TSPAN11: variants seen among roughly 807,000 people sequenced by gnomAD.
TSPAN11 encodes the protein tetraspanin-11.
A neutral mutation model predicts 32.9 loss-of-function variants in TSPAN11; 29 were observed. That is an observed-to-expected ratio of 0.88 (90% CI 0.66 to 1.20). TSPAN11 has a LOEUF of 1.20. TSPAN11 is among the 50% of genes most tolerant of loss of function. The probability of loss-of-function intolerance (pLI) is 0.00; values close to 1 mark genes in which losing one functional copy is unlikely to be tolerated. For missense variants in TSPAN11, 283 were observed against 329.1 expected, an observed-to-expected ratio of 0.86 and a Z score of 1.08; for synonymous variants, 140 against 141.3, an observed-to-expected ratio of 0.99 and a Z score of 0.07.
chr12:30,982,179 C>T (rs1020180791), intron 5 of TSPAN11, among the ~76,000 whole-genome samples: 3 of 152,180 alleles, frequency 2.0e-5, no homozygotes, highest in African/African-American at 7.2e-5. Context: ...GTGGTTTTGT[C>T]CACCCTGGGC....
intron 2 of TSPAN11, among the ~76,000 whole-genome samples, chr12:30,955,955 A>G (rs1592473248): frequency 6.6e-6 from 1 of 152,164 alleles, no homozygotes; most frequent in Non-Finnish European, 1.5e-5. Context: ...CTTTTGGGGG[A>G]CCCAGTCCAA....
intron 1 of TSPAN11, among the ~76,000 whole-genome samples, chr12:30,928,407 G>C (rs907122486): frequency 3.3e-5 from 5 of 152,212 alleles, no homozygotes; most frequent in Non-Finnish European, 7.3e-5. Flanking sequence ...CCACCACCAA[G>C]TTCTATCTCT....
intron 1 of TSPAN11, among the ~76,000 whole-genome samples, chr12:30,946,121 T>C (rs577477095): frequency 1.0e-3 from 157 of 152,232 alleles, no homozygotes; most frequent in African/African-American, 3.5e-3. Context: ...AGAAAATTGA[T>C]TCAAAGTGTG....
chr12:30,968,262 G>C (rs1316428328), intron 3 of TSPAN11, among the ~76,000 whole-genome samples: 1 of 152,204 alleles, frequency 6.6e-6, no homozygotes, highest in African/African-American at 2.4e-5. Flanking sequence ...AACTACCTTG[G>C]ATCGGGAGTA....
chr12:30,981,435 G>A (rs372377670), intron 5 of TSPAN11, among the ~76,000 whole-genome samples: 36 of 152,206 alleles, frequency 2.4e-4, no homozygotes, highest in Admixed American at 7.2e-4. Context: ...AGCATGGCAT[G>A]GAGGTACTTT....
intron 1 of TSPAN11, among the ~76,000 whole-genome samples, chr12:30,931,225 TA>T (rs1220768366): frequency 6.6e-6 from 1 of 152,200 alleles, no homozygotes; most frequent in Non-Finnish European, 1.5e-5. Context: ...TTCTCTATCT[TA>T]AAAAGATTAA....
At chr12:30,986,346 T>C (rs2140310347) in intron 7 of TSPAN11, among the ~76,000 whole-genome samples, 1 of 152,342 alleles carries the variant, frequency 6.6e-6, no homozygotes, top group African/African-American at 2.4e-5. Flanking sequence ...CTTAGTGTCC[T>C]TACCTGTAAA....
chr12:30,978,272 T>G (rs1252416491), intron 3 of TSPAN11: 1 of 399,092 alleles, frequency 2.5e-6, no homozygotes, highest in African/African-American at 2.0e-5. Context: ...TCAATAACTT[T>G]GAGAGCAATA....
chr12:30,984,422 C>A (rs1482294787), intron 7 of TSPAN11, among the ~76,000 whole-genome samples: 1 of 152,212 alleles, frequency 6.6e-6, no homozygotes, highest in African/African-American at 2.4e-5. Context: ...ATAGGAAGGC[C>A]TCCAGAATTG....
At chr12:31,007,068 A>T in the TSPAN11 span, among the ~76,000 whole-genome samples, 1 of 151,998 alleles carries the variant, frequency 6.6e-6, no homozygotes, top group East Asian at 1.9e-4. Context: ...CCCAGGGGTG[A>T]CCTCTTGTGC....
intron 3 of TSPAN11, among the ~76,000 whole-genome samples, chr12:30,971,408 C>G (rs1433405144): frequency 6.6e-6 from 1 of 152,148 alleles, no homozygotes; most frequent in Non-Finnish European, 1.5e-5. Flanking sequence ...AAATCTCTAT[C>G]TGGGGCTCAG....
chr12:30,980,383 C>T (rs1265259967), intron 5 of TSPAN11, among the ~76,000 whole-genome samples: 1 of 152,166 alleles, frequency 6.6e-6, no homozygotes, highest in Non-Finnish European at 1.5e-5. Context: ...CTCATTAGCC[C>T]GTGTGTCTAG....
At chr12:30,980,644 G>A (rs899911652) in intron 5 of TSPAN11, among the ~76,000 whole-genome samples, 5 of 151,932 alleles carry the variant, frequency 3.3e-5, no homozygotes, top group East Asian at 1.9e-4. Context: ...CCCCAGCGGC[G>A]TCATGGATCA....
At chr12:30,928,730 G>T (rs1257099852) in intron 1 of TSPAN11, among the ~76,000 whole-genome samples, 1 of 152,196 alleles carries the variant, frequency 6.6e-6, no homozygotes, top group Non-Finnish European at 1.5e-5. Flanking sequence ...CATCTTTCCA[G>T]ATTATCATTC....
chr12:30,988,089 G>A (rs758894698), intron 7 of TSPAN11, among the ~76,000 whole-genome samples: 13 of 152,132 alleles, frequency 8.5e-5, no homozygotes, highest in Admixed American at 2.0e-4. Context: ...TCTGCATTCC[G>A]GGAGTGCACC....
rs73286492 is a variant in TSPAN11, at chr12:30,974,380, C to T, written c.277-4181C>T. Among the ~76,000 whole-genome samples, 1,069 of 152,288 alleles carry T rather than the reference C, an allele frequency of 7.0e-3. 14 individuals carry two copies. The highest frequency in any genetic ancestry group is 0.025 in the African/African-American group (1,024 of 41,560). On this transcript the variant is annotated intron_variant, in intron 3 of 7. Coordinates refer to ENST00000546076, the MANE Select transcript of TSPAN11 (RefSeq NM_001370302.1). ...AGTGGGATGCTTAGCATCCGGGCCT[C>T]GACCCTCTAGATACTCCTTTTGCCA...
At chr12:30,983,691 A>G (rs749813836) in intron 7 of TSPAN11, among the ~76,000 whole-genome samples, 2 of 152,154 alleles carry the variant, frequency 1.3e-5, no homozygotes, top group African/African-American at 2.4e-5. Context: ...AAATATTCCA[A>G]AAAATGGATG....
chr12:30,939,488 A>G (rs2140273828), intron 1 of TSPAN11, among the ~76,000 whole-genome samples: 1 of 152,330 alleles, frequency 6.6e-6, no homozygotes, highest in East Asian at 1.9e-4. Context: ...CGCCTTCCTC[A>G]GATCTGGCAT....
chr12:30,997,330 G>A (rs1238522564), downstream of TSPAN11: 1 of 152,206 alleles, frequency 6.6e-6, no homozygotes, highest in South Asian at 2.1e-4. Flanking sequence ...GAGAGGTGGT[G>A]TATTCATTTG....
Sources: allele counts gnomAD v4.1 joint callset (sites outside exome capture counted in the v4.1 genomes callset), GRCh38; gene constraint gnomAD v4.1.1; transcripts MANE v1.5; gene names NCBI Gene and HGNC (gene_info 2026-07-23, HGNC 2026-07-21).